RBPMS: variants seen among roughly 807,000 people sequenced by gnomAD.
RBPMS encodes RNA-binding protein with multiple splicing.
A neutral mutation model predicts 26.8 loss-of-function variants in RBPMS; 7 were observed. The ratio of observed to expected loss-of-function variants is 0.26; its 90% CI spans 0.15 to 0.49. RBPMS has a LOEUF of 0.49. Among genes scored for constraint, RBPMS ranks in the 20% least tolerant of loss-of-function variants. The probability of loss-of-function intolerance (pLI) is 0.98; values close to 1 mark genes in which losing one functional copy is unlikely to be tolerated. For synonymous variants in RBPMS, 96 were observed against 93.3 expected, an observed-to-expected ratio of 1.03 and a Z score of -0.17; for missense variants, 186 against 250.0, an observed-to-expected ratio of 0.74 and a Z score of 1.73.
intron 1 of RBPMS, among the ~76,000 whole-genome samples, chr8:30,443,339 T>C (rs1813345732): frequency 6.6e-6 from 1 of 152,196 alleles, no homozygotes; most frequent in Non-Finnish European, 1.5e-5. Context: ...AAACCTTTAA[T>C]ATGCATGATG....
At chr8:30,542,307 G>A (rs1250156361) in intron 5 of RBPMS, among the ~76,000 whole-genome samples, 1 of 152,196 alleles carries the variant, frequency 6.6e-6, no homozygotes, top group Non-Finnish European at 1.5e-5. Context: ...AGAAAAGTCT[G>A]GGAAACATAA....
intron 5 of RBPMS, among the ~76,000 whole-genome samples, chr8:30,533,834 A>T (rs943112187): frequency 1.3e-5 from 2 of 152,196 alleles, no homozygotes; most frequent in Admixed American, 1.3e-4. Flanking sequence ...TTTCAAGTCT[A>T]TAAAAATTGT....
chr8:30,444,784 A>G (rs1813539579), intron 1 of RBPMS: 1 of 152,236 alleles, frequency 6.6e-6, no homozygotes, highest in African/African-American at 2.4e-5. Context: ...ACAATTGAAC[A>G]GTTTCAGATA....
At position 30,570,414 on chromosome 8, in the gene RBPMS, G is replaced by C. The variant is rs114599926; in HGVS notation, c.*112-223G>C. ...GAGATGTGTTTCAAGAAAACCTCTG[G>C]GCCAGGGTAGGGGTTTGTGAGCGGG... On this transcript the variant is annotated intron_variant, in intron 8 of 8. Coordinates refer to ENST00000397323, the MANE Select transcript of RBPMS (RefSeq NM_001008710.3). 5.2e-3 allele frequency among the ~76,000 whole-genome samples: 799 copies of C among 152,252 alleles called. 11 individuals are homozygous for C. The highest frequency in any genetic ancestry group is 0.018 in the African/African-American group (758 of 41,528).
intron 1 of RBPMS, among the ~76,000 whole-genome samples, chr8:30,445,672 A>ATATATATG (rs1162798264): frequency 1.5e-5 from 2 of 135,942 alleles, no homozygotes; most frequent in Non-Finnish European, 3.2e-5. Flanking sequence ...ATATATATAT[A>ATATATATG]TATGTATTTT....
intron 5 of RBPMS, among the ~76,000 whole-genome samples, chr8:30,509,113 C>T (rs1821336241): frequency 6.6e-6 from 1 of 152,158 alleles, no homozygotes; most frequent in African/African-American, 2.4e-5. Context: ...TTTTCCTCCC[C>T]TCTAGGCTTT....
chr8:30,558,671 C>T (rs1412490833), intron 6 of RBPMS: 3 of 616,234 alleles, frequency 4.9e-6, no homozygotes, highest in Admixed American at 4.9e-5. Flanking sequence ...GTGCTTTCCT[C>T]AGAGAGCTTG....
chr8:30,565,517 C>T (rs1350382403), intron 7 of RBPMS: 1 of 152,234 alleles, frequency 6.6e-6, no homozygotes, highest in Non-Finnish European at 1.5e-5. Context: ...GGCTTCCTTC[C>T]CTGGCACTGG....
rs1812620392 is a variant in RBPMS, at chr8:30,437,659, T to TG, written c.67-37119dup. 5.3e-5 allele frequency among the ~76,000 whole-genome samples: 8 copies of TG among 152,230 alleles called. No homozygotes were observed. In the South Asian group the frequency reaches 1.7e-3, roughly 32 times the overall value. On this transcript the variant is annotated intron_variant, in intron 1 of 8. Transcript: ENST00000397323. ...TAAAAAAATTAGCCGGGCATGATAT[T>TG]GCTTGCCTGTAATCCCAGCTACTTT...
chr8:30,499,870 CTG>C (rs10543546), intron 4 of RBPMS, among the ~76,000 whole-genome samples: 3,672 of 150,250 alleles, frequency 0.024, 111 homozygotes, highest in African/African-American at 0.076. Context: ...TCAGGGGAAA[CTG>C]TGTGTGTGTG....
chr8:30,492,726 A>G (rs1471796424), intron 4 of RBPMS, among the ~76,000 whole-genome samples: 2 of 152,154 alleles, frequency 1.3e-5, no homozygotes, highest in African/African-American at 2.4e-5. Context: ...TTTTCACTGG[A>G]TTCACTATGT....
chr8:30,526,621 C>G (rs1288012942), intron 5 of RBPMS, among the ~76,000 whole-genome samples: 1 of 152,066 alleles, frequency 6.6e-6, no homozygotes, highest in Non-Finnish European at 1.5e-5. Flanking sequence ...ATGTGGCTAC[C>G]CCTTGATTTA....
chr8:30,524,539 C>T (rs1393579347), intron 5 of RBPMS, among the ~76,000 whole-genome samples: 1 of 152,068 alleles, frequency 6.6e-6, no homozygotes, highest in Admixed American at 6.5e-5. Flanking sequence ...TTCTTCTCTC[C>T]TTCCACTACA....
chr8:30,564,207 GTTTC>G (rs1447399772), intron 7 of RBPMS: 3 of 152,176 alleles, frequency 2.0e-5, no homozygotes, highest in African/African-American at 4.8e-5. Context: ...TTTATACGGG[GTTTC>G]TTTTTCAGAA....
intron 1 of RBPMS, among the ~76,000 whole-genome samples, chr8:30,386,557 G>A (rs1807115658): frequency 6.6e-6 from 1 of 152,128 alleles, no homozygotes; most frequent in Non-Finnish European, 1.5e-5. Flanking sequence ...TACAATTGTA[G>A]GAATGCTACT....
intron 5 of RBPMS, among the ~76,000 whole-genome samples, chr8:30,518,685 GAC>G (rs1383980092): frequency 2.5e-3 from 38 of 14,958 alleles, no homozygotes; most frequent in Non-Finnish European, 4.9e-3. Context: ...GGCCAAGCAT[GAC>G]TTTTTTTTTT....
At position 30,470,972 on chromosome 8, in the gene RBPMS, A is replaced by T. The variant is rs115389408; in HGVS notation, c.67-3807A>T. Among the ~76,000 whole-genome samples the T allele has an allele frequency of 5.4e-3, 818 of 152,354 alleles. 11 individuals are homozygous for T. Among genetic ancestry groups the T allele is most frequent in the African/African-American group, 0.019 (777 of 41,580 alleles). On this transcript the variant is annotated intron_variant, in intron 1 of 8. Coordinates refer to ENST00000397323, the MANE Select transcript of RBPMS (RefSeq NM_001008710.3). ...CCATAAACTTTATAATATAATATTG[A>T]TACAAATATTGACTTTGTTTCTAGT...
intron 5 of RBPMS, among the ~76,000 whole-genome samples, chr8:30,517,764 A>C (rs1822508703): frequency 6.6e-6 from 1 of 152,242 alleles, no homozygotes; most frequent in Admixed American, 6.5e-5. Flanking sequence ...TGTGCAACTG[A>C]TGAAGCCAAT....
At chr8:30,538,771 T>G (rs1188730186) in intron 5 of RBPMS, among the ~76,000 whole-genome samples, 1 of 152,162 alleles carries the variant, frequency 6.6e-6, no homozygotes, top group Non-Finnish European at 1.5e-5. Flanking sequence ...ATTCCTCTGC[T>G]TGTAGAGATA....
Sources: allele counts gnomAD v4.1 joint callset (sites outside exome capture counted in the v4.1 genomes callset), GRCh38; gene constraint gnomAD v4.1.1; transcripts MANE v1.5; gene names NCBI Gene and HGNC (gene_info 2026-07-23, HGNC 2026-07-21).